Variants in SMAD7 observed in about 807,000 individuals in gnomAD.
SMAD7 encodes SMAD family member 7.
SMAD7 carries 8 observed loss-of-function variants against 38.7 expected under a neutral mutation model. That is an observed-to-expected ratio of 0.21 (90% CI 0.12 to 0.37). The LOEUF (loss-of-function observed/expected upper bound fraction) is 0.37. Ranked by LOEUF, SMAD7 falls within the 10% of genes least tolerant of loss-of-function variation. The pLI is 1.00. For synonymous variants in SMAD7, 327 were observed against 265.1 expected, an observed-to-expected ratio of 1.23 and a Z score of -2.27; for missense variants, 477 against 577.9, an observed-to-expected ratio of 0.83 and a Z score of 1.79.
At chr18:48,938,279 C>T (rs1486887416) in intron 3 of SMAD7, among the ~76,000 whole-genome samples, 1 of 152,190 alleles carries the variant, frequency 6.6e-6, no homozygotes, top group African/African-American at 2.4e-5. Flanking sequence ...ACGCTCCCAT[C>T]CCCCAGACTT....
chr18:48,929,565 T>TCACACACACA (rs756130657), intron 3 of SMAD7, among the ~76,000 whole-genome samples: 12 of 40,210 alleles, frequency 3.0e-4, no homozygotes, highest in South Asian at 1.8e-3. Context: ...TCTCTCTCTC[T>TCACACACACA]CTCTCACTCA....
Position 48,921,985 on chromosome 18 carries a change from C to T in SMAD7, c.743-75G>A. The stretch of plus-strand genomic sequence containing the variant: ...TCCTAGAATGAAGACACCCGCCCCC[C>T]CACTGCACCCAGTCACCAGCTCATC... On this transcript the variant is annotated intron_variant, in intron 3 of 3. Transcript: ENST00000262158. This position sits in a 1 kb window ranked among gnomAD's most constrained non-coding sequence, Gnocchi z 6.4. 2 of 1,131,428 alleles carry T rather than the reference C, an allele frequency of 1.8e-6. No individual in the cohort carries two copies. The highest frequency in any genetic ancestry group is 1.2e-6 in the Non-Finnish European group (1 of 800,240). The allele number at this position is 1,131,428 out of a possible 1,614,324, so 70.1% of individuals were successfully genotyped here.
At chr18:48,928,753 G>T (rs187212976) in intron 3 of SMAD7, among the ~76,000 whole-genome samples, 13 of 152,090 alleles carry the variant, frequency 8.5e-5, no homozygotes, top group Non-Finnish European at 1.5e-4. Context: ...CCCCAAACTG[G>T]TCCCACACCA....
chr18:48,932,115 G>T (rs1304622098), intron 3 of SMAD7, among the ~76,000 whole-genome samples: 3 of 152,334 alleles, frequency 2.0e-5, no homozygotes, highest in African/African-American at 7.2e-5. Context: ...TGATTCATGA[G>T]GGGGTGGGGC....
chr18:48,941,558 C>T (rs1245289505), intron 3 of SMAD7, among the ~76,000 whole-genome samples: 1 of 152,208 alleles, frequency 6.6e-6, no homozygotes, highest in Non-Finnish European at 1.5e-5. Flanking sequence ...CGAGCTGCTA[C>T]CACGTGATCC....
intron 3 of SMAD7, among the ~76,000 whole-genome samples, chr18:48,924,391 T>C (rs2069900793): frequency 6.6e-6 from 1 of 152,090 alleles, no homozygotes; most frequent in Admixed American, 6.5e-5. Context: ...GTCAGCCACC[T>C]AGGCAAGGGG....
Position 48,942,470 on chromosome 18 carries a change from A to C in SMAD7, c.742+11T>G, listed in dbSNP as rs768876769. The C allele has an allele frequency of 6.5e-7, 1 of 1,545,814 alleles. No individual in the cohort carries two copies. On this transcript the variant is annotated intron_variant, in intron 3 of 3. Coordinates refer to ENST00000262158, the MANE Select transcript of SMAD7 (RefSeq NM_005904.4). Reference sequence around the variant, plus strand: ...TTGGAATTGCCAGGAAAATAAGAGAAAGCATCTTACCTGAAAGCCCCCCAG... The same window carrying C: ...TTGGAATTGCCAGGAAAATAAGAGACAGCATCTTACCTGAAAGCCCCCCAG...
intron 3 of SMAD7, among the ~76,000 whole-genome samples, chr18:48,940,954 G>C (rs1314742837): frequency 6.6e-6 from 1 of 152,122 alleles, no homozygotes; most frequent in Non-Finnish European, 1.5e-5. Context: ...ATGTTATCAA[G>C]AAGACAAACC....
At chr18:48,946,653 C>CT (rs1259124431) in intron 2 of SMAD7, among the ~76,000 whole-genome samples, 4 of 152,200 alleles carry the variant, frequency 2.6e-5, no homozygotes, top group African/African-American at 4.8e-5. Flanking sequence ...ATCTGGAGAA[C>CT]TTTTCTCCCC....
intron 3 of SMAD7, among the ~76,000 whole-genome samples, chr18:48,923,195 C>G (rs58920878): frequency 0.38 from 58,268 of 152,122 alleles, 11,550 homozygotes; most frequent in Middle Eastern, 0.45. Flanking sequence ...GCCTTGCCCT[C>G]GCTCCCTGCA....
intron 3 of SMAD7, among the ~76,000 whole-genome samples, chr18:48,927,985 A>G (rs1484108512): frequency 6.6e-6 from 1 of 152,202 alleles, no homozygotes; most frequent in Non-Finnish European, 1.5e-5. Flanking sequence ...CTGTGGACAC[A>G]GGCCTCTAAA....
chr18:48,943,807 G>A (rs1046805221), intron 2 of SMAD7, among the ~76,000 whole-genome samples: 5 of 149,270 alleles, frequency 3.3e-5, no homozygotes, highest in African/African-American at 1.3e-4. Context: ...CCTACACATA[G>A]CCCCAAACCA....
chr18:48,946,299 G>A (rs1225695611), intron 2 of SMAD7, among the ~76,000 whole-genome samples: 1 of 152,200 alleles, frequency 6.6e-6, no homozygotes, highest in Non-Finnish European at 1.5e-5. Flanking sequence ...GGTCCATGTA[G>A]ATTCCCGGGC....
intron 3 of SMAD7, among the ~76,000 whole-genome samples, chr18:48,925,243 G>A (rs969743822): frequency 6.6e-6 from 1 of 152,180 alleles, no homozygotes; most frequent in Non-Finnish European, 1.5e-5. Flanking sequence ...CCCCTCCCCA[G>A]AAAACTGTAC....
At position 48,950,426 on chromosome 18, in the gene SMAD7, C is replaced by G; in HGVS notation, c.-2G>C. The G allele has an allele frequency of 1.3e-6, 2 of 1,547,022 alleles. No homozygotes were observed. Among genetic ancestry groups the G allele is most frequent in the Non-Finnish European group, 1.7e-6 (2 of 1,148,742 alleles). ...CGCAGATCGTTTGGTCCTGAACATG[C>G]GGGGCGAGGAGGCGAGGAGAAAAGT... On this transcript the variant is annotated 5_prime_UTR_variant, in exon 1 of 4. Transcript: ENST00000262158.
chr18:48,947,931 G>GA (rs1353082217), intron 2 of SMAD7, among the ~76,000 whole-genome samples: 7 of 138,446 alleles, frequency 5.1e-5, no homozygotes, highest in Non-Finnish European at 7.5e-5. Context: ...CTATACTTCT[G>GA]AAAAGTTCTA....
At chr18:48,946,533 G>A (rs147570675) in intron 2 of SMAD7, among the ~76,000 whole-genome samples, 74 of 152,266 alleles carry the variant, frequency 4.9e-4, no homozygotes, top group African/African-American at 1.7e-3. Flanking sequence ...TTCTTACACA[G>A]CAGCGCCTTT....
intron 2 of SMAD7, among the ~76,000 whole-genome samples, chr18:48,945,956 C>T (rs978779200): frequency 6.6e-6 from 1 of 152,192 alleles, no homozygotes; most frequent in Non-Finnish European, 1.5e-5. Flanking sequence ...CATGTGAACA[C>T]TCTTTCAAAG....
At chr18:48,938,766 G>A (rs1006074038) in intron 3 of SMAD7, among the ~76,000 whole-genome samples, 8 of 152,134 alleles carry the variant, frequency 5.3e-5, no homozygotes, top group African/African-American at 1.4e-4. Flanking sequence ...AGTGATCCCC[G>A]GAAAGCTCTG....
Sources: gnomAD v4.1 joint callset for allele counts (sites outside exome capture counted in the v4.1 genomes callset) on GRCh38, gnomAD v4.1.1 for gene constraint, Gnocchi (gnomAD v3.1) non-coding constraint, MANE v1.5 for transcripts, NCBI Gene and HGNC (gene_info 2026-07-23, HGNC 2026-07-21) for gene names.